HSPA5: variants seen among roughly 807,000 people sequenced by gnomAD.
The protein encoded by HSPA5 is heat shock protein family A (Hsp70) member 5, also known as endoplasmic reticulum chaperone BiP.
HSPA5 carries 16 observed loss-of-function variants against 49.5 expected under a neutral mutation model. The observed-to-expected ratio is 0.32, with a 90% CI of 0.22 to 0.49. HSPA5 has a LOEUF of 0.49. HSPA5 is among the 20% of genes least tolerant of loss of function. The probability of loss-of-function intolerance (pLI) is 0.99; values close to 1 mark genes in which losing one functional copy is unlikely to be tolerated. For synonymous variants in HSPA5, 271 were observed against 307.2 expected, an observed-to-expected ratio of 0.88 and a Z score of 1.23; for missense variants, 376 against 819.0, an observed-to-expected ratio of 0.46 and a Z score of 6.60.
Position 125,239,635 on chromosome 9 carries a change from T to C in HSPA5, c.493-102A>G. 2.2e-6 allele frequency: 2 copies of C among 889,254 alleles called. No individual in the cohort carries two copies. The highest frequency in any genetic ancestry group is 3.6e-6 in the Non-Finnish European group (2 of 559,002). The allele number at this position is 889,254 out of a possible 1,614,324, so 55.1% of individuals were successfully genotyped here. ...GGCTTCTGCCTATAATCCCAGCACT[T>C]TGGGAGGCTGAGGCAGGAGGATCAC... On this transcript the variant is annotated intron_variant, in intron 3 of 7. Transcript: ENST00000324460. The surrounding 1 kb of genome is among the most constrained non-coding windows in gnomAD (Gnocchi z 5.5).
rs371044182 is a variant in HSPA5, at chr9:125,236,556, A to G, written c.*36T>C. ...TTTCCTAACAAAAGTTCCTGAGTCCAGTATTTACAATATTACAGCACTAGC... is the reference window on the plus strand; with the variant it reads ...TTTCCTAACAAAAGTTCCTGAGTCCGGTATTTACAATATTACAGCACTAGC... On this transcript the variant is annotated 3_prime_UTR_variant, in exon 8 of 8. Transcript: ENST00000324460. The G allele has an allele frequency of 1.2e-4, 174 of 1,412,712 alleles. 1 individual carries two copies. Among genetic ancestry groups the G allele is most frequent in the Middle Eastern group, 5.5e-4 (3 of 5,462 alleles). 87.5% of individuals were successfully genotyped at this position (1,412,712 alleles called of 1,614,324 possible).
Position 125,240,537 on chromosome 9 carries a change from A to C in HSPA5, c.354+139T>G, listed in dbSNP as rs1832550968. 6.7e-6 allele frequency: 5 copies of C among 748,390 alleles called. No individual in the cohort carries two copies. The East Asian group carries it at 1.3e-4, about 20-fold the overall frequency. 46.4% of individuals were successfully genotyped at this position (748,390 alleles called of 1,614,324 possible). On this transcript the variant is annotated intron_variant, in intron 2 of 7. Coordinates refer to ENST00000324460, the MANE Select transcript of HSPA5 (RefSeq NM_005347.5). This position sits in a 1 kb window ranked among gnomAD's most constrained non-coding sequence, Gnocchi z 4.4. ...GCAACTGTCTTAAGTTTTGTAACAT[A>C]CTAATAGTATTAAAGTTATTACATA...
At chr9:125,238,042 C>T (rs894836209) in intron 7 of HSPA5, 99 bp downstream of exon 7, 38 of 869,578 alleles carry the variant, frequency 4.4e-5, no homozygotes, top group Non-Finnish European at 6.4e-5. Context: ...ACAGAATTTG[C>T]AGTGAGCCGA....
In HSPA5 at chr9:125,236,015, GT is replaced by G. The variant is rs760608713; in HGVS notation, c.*576del. 6.6e-6 allele frequency: 1 copy of G among 151,240 alleles called. No homozygotes were observed. Among genetic ancestry groups the G allele is most frequent in the Non-Finnish European group, 1.5e-5 (1 of 67,986 alleles). The allele number at this position is 151,240 out of a possible 1,614,324, so 9.4% of individuals were successfully genotyped here. ...ATTAATGCAAAAGCCGAGCATGGTG[GT>G]AACAAGCCTGTGGTCTCAATTAGCT... On this transcript the variant is annotated 3_prime_UTR_variant, in exon 8 of 8. Transcript: ENST00000324460.
rs569905472 is a variant in HSPA5 at position 125,235,319 on chromosome 9, G to C, written c.*1273C>G. The stretch of plus-strand genomic sequence containing the variant: ...ACTGCAACCTCTGCCTCCCGGGTTC[G>C]AGTGATTCTCCTGCCTCAGCCTTCA... On this transcript the variant is annotated 3_prime_UTR_variant, in exon 8 of 8. Transcript: ENST00000324460. The C allele has an allele frequency of 6.6e-6, 1 of 151,072 alleles. No homozygotes were observed. Among genetic ancestry groups the C allele is most frequent in the South Asian group, 2.1e-4 (1 of 4,778 alleles). The allele number at this position is 151,072 out of a possible 1,614,324, so 9.4% of individuals were successfully genotyped here.
chr9:125,238,358 A>G (rs369540426), intron 6 of HSPA5, 50 bp from the exon 7 acceptor site: 54 of 1,511,480 alleles, frequency 3.6e-5, no homozygotes, highest in Non-Finnish European at 4.7e-5. Context: ...CCTATGAGCT[A>G]TGTAAAGTTT....
In HSPA5 at chr9:125,236,355, AACCCAGGTTTTTT is replaced by A. The variant is rs1183951644; in HGVS notation, c.*224_*236del. 1.5e-5 allele frequency: 7 copies of A among 474,954 alleles called. No individual in the cohort carries two copies. Among genetic ancestry groups the A allele is most frequent in the Non-Finnish European group, 2.2e-5 (6 of 271,024 alleles). The allele number at this position is 474,954 out of a possible 1,614,324, so 29.4% of individuals were successfully genotyped here. ...CATTTTGAAGGTGAACACACACCCT[AACCCAGGTTTTTT>A]ACCCGCTTTTTAAGATGGCCAATTC... On this transcript the variant is annotated 3_prime_UTR_variant, in exon 8 of 8. Transcript: ENST00000324460.
chr9:125,239,570 T>TA lies in HSPA5; in HGVS notation c.493-38dup, dbSNP rs781705927. 9.4e-6 allele frequency: 14 copies of TA among 1,495,582 alleles called. No individual in the cohort carries two copies. In the African/African-American group the frequency reaches 1.4e-4, roughly 15 times the overall value. 92.6% of individuals were successfully genotyped at this position (1,495,582 alleles called of 1,614,324 possible). ...AAAGATAATTAAGTGTATTGTCACA[T>TA]AGTTTAACCCTTATTTAAATTACAG... is the stretch of plus-strand genomic sequence containing the variant. On this transcript the variant is annotated intron_variant, in intron 3 of 7. Transcript: ENST00000324460. The surrounding 1 kb of genome is among the most constrained non-coding windows in gnomAD (Gnocchi z 5.5).
Position 125,241,304 on chromosome 9 carries a change from C to T in HSPA5, c.-178G>A. On this transcript the variant is annotated 5_prime_UTR_variant, in exon 1 of 8. Coordinates refer to ENST00000324460, the MANE Select transcript of HSPA5 (RefSeq NM_005347.5). ...CTTCCCTCTCACACTCGCGAAACAC[C>T]CCAATAGGTCAATCTGTCTGTGCTG... The T allele has an allele frequency of 1.5e-6, 1 of 672,046 alleles. No homozygotes were observed. Among genetic ancestry groups the T allele is most frequent in the Non-Finnish European group, 2.5e-6 (1 of 401,514 alleles). 41.6% of individuals were successfully genotyped at this position (672,046 alleles called of 1,614,324 possible). A position where few individuals can be genotyped will look rare whatever the true frequency, so the allele number is the denominator to read the frequency against.
In HSPA5 at chr9:125,240,057, T is replaced by C; in HGVS notation, c.492+115A>G. On this transcript the variant is annotated intron_variant, in intron 3 of 7. Coordinates refer to ENST00000324460, the MANE Select transcript of HSPA5 (RefSeq NM_005347.5). This position sits in a 1 kb window ranked among gnomAD's most constrained non-coding sequence, Gnocchi z 4.4. ...ACTCAATAATTAAACCTGACAAGCA[T>C]GAATACCATTCTGATTAAAATTTTT... 3 of 694,860 alleles carry C rather than the reference T, an allele frequency of 4.3e-6. No homozygotes were observed. Among genetic ancestry groups the C allele is most frequent in the African/African-American group, 3.6e-5 (2 of 56,094 alleles). 43.0% of individuals were successfully genotyped at this position (694,860 alleles called of 1,614,324 possible). A position where few individuals can be genotyped will look rare whatever the true frequency, so the allele number is the denominator to read the frequency against.
chr9:125,235,860 G>C lies in HSPA5; in HGVS notation c.*732C>G, dbSNP rs1389647256. On this transcript the variant is annotated 3_prime_UTR_variant, in exon 8 of 8. Transcript: ENST00000324460. Reference sequence around the variant, plus strand: ...GTAATAATTTTAAAAAAAGCCACCAGAAAGGCAGTTTTAGAAAGATAAGGG... The same window carrying C: ...GTAATAATTTTAAAAAAAGCCACCACAAAGGCAGTTTTAGAAAGATAAGGG... The C allele has an allele frequency of 1.3e-5, 2 of 152,082 alleles. No homozygotes were observed. Among genetic ancestry groups the C allele is most frequent in the Non-Finnish European group, 2.9e-5 (2 of 68,006 alleles). The allele number at this position is 152,082 out of a possible 1,614,324, so 9.4% of individuals were successfully genotyped here.
chr9:125,236,535 C>T lies in HSPA5; in HGVS notation c.*57G>A. The T allele has an allele frequency of 7.8e-7, 1 of 1,278,100 alleles. No homozygotes were observed. The highest frequency in any genetic ancestry group is 1.1e-6 in the Non-Finnish European group (1 of 924,812). The allele number at this position is 1,278,100 out of a possible 1,614,324, so 79.2% of individuals were successfully genotyped here. A position where few individuals can be genotyped will look rare whatever the true frequency, so the allele number is the denominator to read the frequency against. ...AGACTTAAGTTCTTTCAATTTTTTC[C>T]TAACAAAAGTTCCTGAGTCCAGTAT... On this transcript the variant is annotated 3_prime_UTR_variant, in exon 8 of 8. Coordinates refer to ENST00000324460, the MANE Select transcript of HSPA5 (RefSeq NM_005347.5).
In HSPA5 at chr9:125,240,577, C is replaced by T. The variant is rs1832551369; in HGVS notation, c.354+99G>A. On this transcript the variant is annotated intron_variant, in intron 2 of 7. Transcript: ENST00000324460. The surrounding 1 kb of genome is among the most constrained non-coding windows in gnomAD (Gnocchi z 4.4). ...GTTATTACATACATCATGTCTATAA[C>T]CTTCAACTGTTGTCTCAACACTTTT... is the stretch of plus-strand genomic sequence containing the variant. 1.0e-6 allele frequency: 1 copy of T among 985,660 alleles called. No homozygotes were observed. Among genetic ancestry groups the T allele is most frequent in the South Asian group, 1.5e-5 (1 of 68,462 alleles). 61.1% of individuals were successfully genotyped at this position (985,660 alleles called of 1,614,324 possible). A position where few individuals can be genotyped will look rare whatever the true frequency, so the allele number is the denominator to read the frequency against.
In HSPA5 at chr9:125,238,239, T is replaced by C. The variant is rs751803191; in HGVS notation, c.1304A>G (p.Lys435Arg). 4.3e-6 allele frequency: 7 copies of C among 1,613,932 alleles called. No individual in the cohort carries two copies. The highest frequency in any genetic ancestry group is 2.2e-5 in the East Asian group (1 of 44,878). Residue 435 changes from lysine (K) to arginine (R), a missense_variant, in exon 7 of 8, where the codon AAA becomes AGA. Around this residue, in one of 8 missense-constraint regions of HSPA5, gnomAD observed 71 missense variants for 169.9 expected, o/e 0.42. Coordinates refer to ENST00000324460, the MANE Select transcript of HSPA5 (RefSeq NM_005347.5). ...GIETVGGVMT[K>R]LIPRNTVVPT... Reference sequence around the variant, plus strand: ...CACCACTGTGTTCCTTGGAATCAGTTTGGTCATGACACCTCCCACAGTTTC... The same window carrying C: ...CACCACTGTGTTCCTTGGAATCAGTCTGGTCATGACACCTCCCACAGTTTC...
Position 125,240,958 on chromosome 9 carries a change from G to A in HSPA5, c.122+47C>T, listed in dbSNP as rs775526691. 5.6e-6 allele frequency: 9 copies of A among 1,611,474 alleles called. No homozygotes were observed. The South Asian group carries it at 8.8e-5, about 16-fold the overall frequency. ...CATCAGCACCGCACTTCTCACGCCA[G>A]GCCAGGCGGCCACGCCCCGTCCCCC... On this transcript the variant is annotated intron_variant, in intron 1 of 7. Transcript: ENST00000324460. The surrounding 1 kb of genome is among the most constrained non-coding windows in gnomAD (Gnocchi z 4.4).
Position 125,240,742 on chromosome 9 carries a change from C to T in HSPA5, c.288G>A (p.Lys96=). The change falls in exon 2 of 8, where the codon AAG becomes AAA. Residue 96 remains lysine (K), a synonymous_variant. Transcript: ENST00000324460. The surrounding 1 kb of genome is among the most constrained non-coding windows in gnomAD (Gnocchi z 4.4). ...CATTCCACGTGCGGCCGATGAGCCG[C>T]TTGGCGTCAAAGACCGTGTTCTCGG... ...SNPENTVFDA[K]RLIGRTWNDP... is the part of the protein sequence containing the mutation. The T allele has an allele frequency of 6.2e-7, 1 of 1,614,196 alleles. No individual in the cohort carries two copies. The highest frequency in any genetic ancestry group is 1.3e-5 in the African/African-American group (1 of 75,060).
In HSPA5 at chr9:125,239,578, C is replaced by G. The variant is rs367563655; in HGVS notation, c.493-45G>C. 2.0e-6 allele frequency: 3 copies of G among 1,477,790 alleles called. No homozygotes were observed. In the African/African-American group the frequency reaches 4.2e-5, roughly 20 times the overall value. 91.5% of individuals were successfully genotyped at this position (1,477,790 alleles called of 1,614,324 possible). A position where few individuals can be genotyped will look rare whatever the true frequency, so the allele number is the denominator to read the frequency against. ...TTAAGTGTATTGTCACATAGTTTAA[C>G]CCTTATTTAAATTACAGTCTGGCCA... On this transcript the variant is annotated intron_variant, in intron 3 of 7. Coordinates refer to ENST00000324460, the MANE Select transcript of HSPA5 (RefSeq NM_005347.5). The surrounding 1 kb of genome is among the most constrained non-coding windows in gnomAD (Gnocchi z 5.5).
At position 125,240,357 on chromosome 9, in the gene HSPA5, A is replaced by G. The variant is rs947530434; in HGVS notation, c.355-48T>C. 6 of 1,512,682 alleles carry G rather than the reference A, an allele frequency of 4.0e-6. No individual in the cohort carries two copies. The highest frequency in any genetic ancestry group is 5.4e-6 in the Non-Finnish European group (6 of 1,107,660). The allele number at this position is 1,512,682 out of a possible 1,614,324, so 93.7% of individuals were successfully genotyped here. A position where few individuals can be genotyped will look rare whatever the true frequency, so the allele number is the denominator to read the frequency against. On this transcript the variant is annotated intron_variant, in intron 2 of 7. Coordinates refer to ENST00000324460, the MANE Select transcript of HSPA5 (RefSeq NM_005347.5). The surrounding 1 kb of genome is among the most constrained non-coding windows in gnomAD (Gnocchi z 4.4). ...TCAGACACAGATACAATGACATCTC[A>G]AAGTTTAAAAGACCCACTACCATCC... is the stretch of plus-strand genomic sequence containing the variant.
chr9:125,239,013 T>C lies in HSPA5; in HGVS notation c.924A>G (p.Glu308=). ...ALSSQHQARI[E]IESFYEGEDF... is the part of the protein sequence containing the mutation. Reference sequence around the variant, plus strand: ...CTTCTCCTTCATAGAAGGACTCAATTTCAATTCTTGCTTGATGCTGAGAAG... The same window carrying C: ...CTTCTCCTTCATAGAAGGACTCAATCTCAATTCTTGCTTGATGCTGAGAAG... Residue 308 remains glutamate (E), a synonymous_variant, in exon 5 of 8, where the codon GAA becomes GAG. Transcript: ENST00000324460. The surrounding 1 kb of genome is among the most constrained non-coding windows in gnomAD (Gnocchi z 5.5). 1 of 1,614,094 alleles carries C rather than the reference T, an allele frequency of 6.2e-7. No homozygotes were observed.
Sources: allele counts gnomAD v4.1 joint callset, GRCh38; gene constraint gnomAD v4.1.1; regional missense constraint gnomAD v4.1.1; non-coding constraint Gnocchi (gnomAD v3.1); transcripts MANE v1.5; gene names NCBI Gene and HGNC (gene_info 2026-07-23, HGNC 2026-07-21).